The following IL17RD variants were observed in gnomAD, a reference collection of about 807,000 sequenced individuals.
IL17RD encodes interleukin 17 receptor D.
Under a neutral mutation model 80.5 loss-of-function variants are expected in IL17RD, and 52 were observed. The ratio of observed to expected loss-of-function variants is 0.65; its 90% CI spans 0.52 to 0.81. IL17RD has a LOEUF of 0.81. Ranked by LOEUF, IL17RD falls within the 40% of genes least tolerant of loss-of-function variation. The pLI is 0.00. For synonymous variants in IL17RD, 416 were observed against 391.8 expected, an observed-to-expected ratio of 1.06 and a Z score of -0.73; for missense variants, 1,024 against 955.1, an observed-to-expected ratio of 1.07 and a Z score of -0.95.
rs1443523583 is a variant in IL17RD, at chr3:57,114,783, A to G, written c.219T>C (p.His73=). ...CTTYLNPVGK[H]VIADAQNITI... ...TGATATTCTGGGCGTCAGCAATCACATGCTTCCCCACTGGATTCAAGTAGG... is the reference window on the plus strand; with the variant it reads ...TGATATTCTGGGCGTCAGCAATCACGTGCTTCCCCACTGGATTCAAGTAGG... Residue 73 remains histidine, a synonymous_variant, in exon 3 of 13, where the codon CAT becomes CAC. Transcript: ENST00000296318. 1.9e-6 allele frequency: 3 copies of G among 1,610,626 alleles called. No individual in the cohort carries two copies. Among genetic ancestry groups the G allele is most frequent in the Non-Finnish European group, 2.5e-6 (3 of 1,178,548 alleles).
chr3:57,115,648 C>A (rs1437935688), intron 2 of IL17RD, among the ~76,000 whole-genome samples: 1 of 152,170 alleles, frequency 6.6e-6, no homozygotes, highest in African/African-American at 2.4e-5. Context: ...AGAGAATGGC[C>A]ATGAGCTGTC....
intron 11 of IL17RD, among the ~76,000 whole-genome samples, chr3:57,098,773 C>T (rs1706760641): frequency 6.6e-6 from 1 of 152,220 alleles, no homozygotes; most frequent in Non-Finnish European, 1.5e-5. Context: ...ATTTTTGTAT[C>T]ACATGGAGTC....
At chr3:57,098,713 G>C (rs920454081) in intron 11 of IL17RD, among the ~76,000 whole-genome samples, 175 bp from the exon 12 acceptor site, 1 of 152,220 alleles carries the variant, frequency 6.6e-6, no homozygotes, top group African/African-American at 2.4e-5. Context: ...CTAAAGTTCC[G>C]TGGGTGATGG....
At chr3:57,168,058 C>CT (rs1357915432), upstream of IL17RD, among the ~76,000 whole-genome samples, 2 of 152,166 alleles carry the variant, frequency 1.3e-5, no homozygotes, top group Admixed American at 6.5e-5. Context: ...TCTCGAACTC[C>CT]TAACCTCAGG....
At chr3:57,148,324 C>CA (rs34343372) in intron 1 of IL17RD, among the ~76,000 whole-genome samples, 12,256 of 103,764 alleles carry the variant, frequency 0.12, 1,740 homozygotes, top group African/African-American at 0.36. Flanking sequence ...GACTCTATCT[C>CA]AAAAAAAAAA....
At position 57,102,512 on chromosome 3, in the gene IL17RD, G is replaced by C; in HGVS notation, c.946C>G (p.Leu316Val). ...PLVVISAFAT[L>V]FTVMCRKKQQ... ...TTCTTGCGGCACATCACAGTGAAGAGCGTCGCGAATGCCGATATGACTACC... is the reference window on the plus strand; with the variant it reads ...TTCTTGCGGCACATCACAGTGAAGACCGTCGCGAATGCCGATATGACTACC... Residue 316 changes from leucine (L) to valine (V), a missense_variant, in exon 10 of 13, where the codon CTC (leucine) becomes GTC (valine). Physicochemically the swap from Leu to Val is conservative, Grantham distance 32. Transcript: ENST00000296318. 4 of 1,579,694 alleles carry C rather than the reference G, an allele frequency of 2.5e-6. No individual in the cohort carries two copies. Among genetic ancestry groups the C allele is most frequent in the Non-Finnish European group, 3.5e-6 (4 of 1,154,296 alleles).
At position 57,110,073 on chromosome 3, in the gene IL17RD, C is replaced by T. The variant is rs1240390753; in HGVS notation, c.429+120G>A. 18 of 1,162,738 alleles carry T rather than the reference C, an allele frequency of 1.5e-5. No individual in the cohort carries two copies. In the Admixed American group the frequency reaches 3.7e-4, roughly 24 times the overall value. The allele number at this position is 1,162,738 out of a possible 1,614,324, so 72.0% of individuals were successfully genotyped here. A position where few individuals can be genotyped will look rare whatever the true frequency, so the allele number is the denominator to read the frequency against. ...GGTGCTGCTGTACCATTCTTGCCCA[C>T]CTTGGCGGGTGGGGTGGACCCCATA... On this transcript the variant is annotated intron_variant, in intron 4 of 12. Coordinates refer to ENST00000296318, the MANE Select transcript of IL17RD (RefSeq NM_017563.5).
chr3:57,106,149 C>A lies in IL17RD; in HGVS notation c.556G>T (p.Asp186Tyr). 6.2e-7 allele frequency: 1 copy of A among 1,610,634 alleles called. No individual in the cohort carries two copies. Among genetic ancestry groups the A allele is most frequent in the South Asian group, 1.1e-5 (1 of 90,670 alleles). The change falls in exon 6 of 13, where the codon GAC (aspartate) becomes TAC (tyrosine). Residue 186 changes from aspartate to tyrosine, a missense_variant. Transcript: ENST00000296318. ...AGATTGTCCGGCTGTAACAACAGGT[C>A]ACAGGCTATTAAGAGAATAAAGATA... ...HPFFFRTRACDLLLQPDNLAC... is the reference protein window; with the variant it reads ...HPFFFRTRACYLLLQPDNLAC...
intron 1 of IL17RD, among the ~76,000 whole-genome samples, chr3:57,163,195 C>G (rs990215815): frequency 3.3e-5 from 5 of 152,118 alleles, no homozygotes; most frequent in Non-Finnish European, 7.4e-5. Context: ...GGAACATGGC[C>G]CAGAGGCCTC....
chr3:57,106,528 C>T (rs1706969691), intron 5 of IL17RD, among the ~76,000 whole-genome samples: 1 of 152,170 alleles, frequency 6.6e-6, no homozygotes, highest in South Asian at 2.1e-4. Context: ...CTGGCCCCTA[C>T]CCCACTGTGG....
chr3:57,162,786 T>C (rs755857885), intron 1 of IL17RD, among the ~76,000 whole-genome samples: 3 of 149,634 alleles, frequency 2.0e-5, no homozygotes, highest in Non-Finnish European at 4.5e-5. Context: ...CAAGATGAGG[T>C]TCAGTGCCTG....
intron 7 of IL17RD, 30 bp downstream of exon 7, chr3:57,105,827 G>A: frequency 2.5e-6 from 4 of 1,601,708 alleles, no homozygotes; most frequent in Non-Finnish European, 1.7e-6. Context: ...GAAACACGCA[G>A]TGTTCCTTTA....
chr3:57,162,699 C>A (rs992820419), intron 1 of IL17RD, among the ~76,000 whole-genome samples: 1 of 152,118 alleles, frequency 6.6e-6, no homozygotes, highest in Non-Finnish European at 1.5e-5. Flanking sequence ...TAAAATCTAT[C>A]AGGAAATACA....
intron 7 of IL17RD, 133 bp from the exon 8 acceptor site, chr3:57,104,540 G>A (rs772969803): frequency 1.1e-5 from 7 of 640,410 alleles, no homozygotes; most frequent in South Asian, 5.7e-5. Context: ...TGATTAGATC[G>A]AAAAGCAACT....
intron 1 of IL17RD, among the ~76,000 whole-genome samples, chr3:57,163,984 A>G (rs2060326649): frequency 1.3e-5 from 2 of 152,126 alleles, no homozygotes; most frequent in Non-Finnish European, 2.9e-5. Flanking sequence ...GTTATGTCCT[A>G]GGTTTTGGCT....
Position 57,096,134 on chromosome 3 carries a change from C to T in IL17RD, c.*259G>A. The T allele has an allele frequency of 2.1e-6, 1 of 467,158 alleles. No individual in the cohort carries two copies. The highest frequency in any genetic ancestry group is 3.9e-6 in the Non-Finnish European group (1 of 256,596). The allele number at this position is 467,158 out of a possible 1,614,324, so 28.9% of individuals were successfully genotyped here. A position where few individuals can be genotyped will look rare whatever the true frequency, so the allele number is the denominator to read the frequency against. On this transcript the variant is annotated 3_prime_UTR_variant, in exon 13 of 13. Coordinates refer to ENST00000296318, the MANE Select transcript of IL17RD (RefSeq NM_017563.5). ...CCCACAACAGGCTCTGATCCAAGGA[C>T]TAACCAAATTTGGCAAGCTGTTGTC...
At chr3:57,117,317 T>C (rs1707239034) in intron 2 of IL17RD, among the ~76,000 whole-genome samples, 1 of 152,146 alleles carries the variant, frequency 6.6e-6, no homozygotes, top group Admixed American at 6.5e-5. Context: ...TTTCACCTTA[T>C]TGGTTAGGTT....
At chr3:57,113,442 G>C (rs966924986) in intron 3 of IL17RD, among the ~76,000 whole-genome samples, 2 of 152,092 alleles carry the variant, frequency 1.3e-5, no homozygotes, top group African/African-American at 2.4e-5. Context: ...TCACCATGTT[G>C]GTCAGGCTAG....
intron 1 of IL17RD, among the ~76,000 whole-genome samples, chr3:57,122,661 T>G (rs760061621): frequency 1.3e-5 from 2 of 151,488 alleles, no homozygotes; most frequent in African/African-American, 4.8e-5. Flanking sequence ...AAAAATTGTC[T>G]TCCACGAAAC....
Sources: gnomAD v4.1 joint callset for allele counts (sites outside exome capture counted in the v4.1 genomes callset) on GRCh38, gnomAD v4.1.1 for gene constraint, MANE v1.5 for transcripts, NCBI Gene and HGNC (gene_info 2026-07-23, HGNC 2026-07-21) for gene names.